Variants in AKAP19 observed in about 807,000 individuals in gnomAD.
AKAP19 encodes small A-kinase anchoring protein.
chr2:190,020,275 G>A, the AKAP19 span, among the ~76,000 whole-genome samples: 1 of 152,090 alleles, frequency 6.6e-6, no homozygotes, highest in African/African-American at 2.4e-5. Flanking sequence ...TTAGAAAAGA[G>A]CTTATTCATT....
chr2:189,907,200 T>A, the AKAP19 span, among the ~76,000 whole-genome samples: 1 of 152,210 alleles, frequency 6.6e-6, no homozygotes, highest in Admixed American at 6.5e-5. Flanking sequence ...GTCCTTGCCA[T>A]GGCCTACAAA....
chr2:189,977,253 A>G, the AKAP19 span, among the ~76,000 whole-genome samples: 31 of 152,238 alleles, frequency 2.0e-4, no homozygotes, highest in Admixed American at 8.5e-4. Context: ...AGTGCCTTCT[A>G]TATGTCAGTC....
At chr2:190,133,094 CG>C in the AKAP19 span, among the ~76,000 whole-genome samples, 1 of 151,652 alleles carries the variant, frequency 6.6e-6, no homozygotes, top group Non-Finnish European at 1.5e-5. Flanking sequence ...AAAAATTAGC[CG>C]GGCGTGGTGG....
At chr2:190,102,036 T>C in the AKAP19 span, among the ~76,000 whole-genome samples, 2 of 152,094 alleles carry the variant, frequency 1.3e-5, no homozygotes, top group Admixed American at 6.5e-5. Flanking sequence ...CAGAAATCAA[T>C]ACAAAGAAGA....
chr2:189,926,055 A>G, the AKAP19 span, among the ~76,000 whole-genome samples: 46 of 152,360 alleles, frequency 3.0e-4, no homozygotes, highest in East Asian at 8.9e-3. Context: ...AAATTAATCT[A>G]GATACTTTTT....
At chr2:190,061,875 C>A in the AKAP19 span, among the ~76,000 whole-genome samples, 2 of 151,362 alleles carry the variant, frequency 1.3e-5, no homozygotes, top group African/African-American at 2.4e-5. Context: ...AAATACAATT[C>A]TAAAATCTAA....
the AKAP19 span, among the ~76,000 whole-genome samples, chr2:190,098,120 A>C: frequency 6.6e-6 from 1 of 152,080 alleles, no homozygotes; most frequent in African/African-American, 2.4e-5. Flanking sequence ...ATGAATTATA[A>C]TTCTTAATGG....
At chr2:190,179,128 C>A in the AKAP19 span, among the ~76,000 whole-genome samples, 1 of 152,172 alleles carries the variant, frequency 6.6e-6, no homozygotes, top group Non-Finnish European at 1.5e-5. This position sits in a 1 kb window ranked among gnomAD's most constrained non-coding sequence, Gnocchi z 6.0. Flanking sequence ...TTGATACTGG[C>A]TGGGTGCGGT....
the AKAP19 span, among the ~76,000 whole-genome samples, chr2:190,008,511 T>C: frequency 6.6e-6 from 1 of 152,306 alleles, no homozygotes; most frequent in South Asian, 2.1e-4. Flanking sequence ...ATTTGATCAA[T>C]TGTATACTAG....
the AKAP19 span, chr2:190,060,166 A>G: frequency 6.2e-7 from 1 of 1,612,920 alleles, no homozygotes; most frequent in African/African-American, 1.3e-5. Flanking sequence ...TGTTTGAGCC[A>G]ATTTTGCAAC....
the AKAP19 span, among the ~76,000 whole-genome samples, chr2:189,931,456 G>A: frequency 6.6e-6 from 1 of 152,144 alleles, no homozygotes; most frequent in Admixed American, 6.5e-5. Flanking sequence ...CAAACTCCCA[G>A]GCTCAAACAG....
chr2:189,959,514 C>T, the AKAP19 span, among the ~76,000 whole-genome samples: 1 of 152,010 alleles, frequency 6.6e-6, no homozygotes, highest in Non-Finnish European at 1.5e-5. Context: ...TGCTTTAAAT[C>T]ATTAAGAAAA....
At chr2:190,143,898 A>C in the AKAP19 span, among the ~76,000 whole-genome samples, 2 of 149,128 alleles carry the variant, frequency 1.3e-5, no homozygotes, top group Non-Finnish European at 3.0e-5. Flanking sequence ...GGAAATCATC[A>C]TTCTCAGTAA....
the AKAP19 span, among the ~76,000 whole-genome samples, chr2:190,091,547 A>AACAC: frequency 1.4e-4 from 21 of 150,504 alleles, no homozygotes; most frequent in South Asian, 8.4e-4. Context: ...TCTTTTGTTA[A>AACAC]ACACACACAC....
At chr2:190,019,968 G>A in the AKAP19 span, among the ~76,000 whole-genome samples, 4 of 152,196 alleles carry the variant, frequency 2.6e-5, no homozygotes, top group African/African-American at 7.2e-5. Flanking sequence ...TCTGTAGTGT[G>A]TAGTGAGGAC....
chr2:189,928,681 A>G, the AKAP19 span, among the ~76,000 whole-genome samples: 9 of 152,138 alleles, frequency 5.9e-5, no homozygotes, highest in Admixed American at 5.9e-4. Flanking sequence ...CAACATATGG[A>G]TACTATAGTT....
the AKAP19 span, among the ~76,000 whole-genome samples, chr2:189,905,854 G>A: frequency 6.6e-6 from 1 of 152,000 alleles, no homozygotes; most frequent in Non-Finnish European, 1.5e-5. Flanking sequence ...CCCCAAGGCC[G>A]GAAGGTAGCA....
the AKAP19 span, among the ~76,000 whole-genome samples, chr2:189,992,371 G>A: frequency 5.9e-5 from 9 of 152,044 alleles, no homozygotes; most frequent in East Asian, 1.2e-3. Context: ...TTTTATACTA[G>A]TATAAAAATA....
the AKAP19 span, among the ~76,000 whole-genome samples, chr2:190,120,588 T>C: frequency 6.6e-6 from 1 of 152,226 alleles, no homozygotes; most frequent in South Asian, 2.1e-4. Flanking sequence ...CTCTCGATTA[T>C]TTTTGAAGAA....
Sources: allele counts gnomAD v4.1 joint callset (sites outside exome capture counted in the v4.1 genomes callset), GRCh38; gene constraint gnomAD v4.1.1; non-coding constraint Gnocchi (gnomAD v3.1); transcripts MANE v1.5; gene names NCBI Gene and HGNC (gene_info 2026-07-23, HGNC 2026-07-21).